PCDH11X: variants seen among roughly 807,000 people sequenced by gnomAD.
PCDH11X encodes protocadherin-11 X-linked.
PCDH11X carries 18 observed loss-of-function variants against 53.3 expected under a neutral mutation model. The ratio of observed to expected loss-of-function variants is 0.34; its 90% CI spans 0.23 to 0.50. The LOEUF (loss-of-function observed/expected upper bound fraction) is 0.50, where lower values mean the gene tolerates loss of function less well. Among genes scored for constraint, PCDH11X ranks in the 20% least tolerant of loss-of-function variants. PCDH11X has a pLI of 0.98. For missense variants in PCDH11X, 570 were observed against 1,032.4 expected (o/e 0.55, Z 6.14); for synonymous variants, 279 against 393.3 (o/e 0.71, Z 3.44).
chrX:92,276,877 T>C (rs1020401367), intron 8 of PCDH11X, among the ~76,000 whole-genome samples: 10 of 111,319 alleles, frequency 9.0e-5, no homozygotes, highest in South Asian at 3.8e-4. Context: ...TTATATTTGA[T>C]GAAAAAGAGC....
intron 8 of PCDH11X, among the ~76,000 whole-genome samples, chrX:92,311,563 G>T (rs1399234035): frequency 9.0e-6 from 1 of 110,627 alleles, no homozygotes; most frequent in Admixed American, 9.7e-5. Context: ...AATTCTCAAA[G>T]AATGAAATAT....
intron 10 of PCDH11X, among the ~76,000 whole-genome samples, chrX:92,586,999 C>G (rs34430204): frequency 0.029 from 1,558 of 53,205 alleles, 44 homozygotes; most frequent in African/African-American, 0.094. Flanking sequence ...TTTTTTTTTG[C>G]CTGAAATTAG....
intron 10 of PCDH11X, among the ~76,000 whole-genome samples, chrX:92,498,577 T>G (rs2148692438): frequency 9.0e-6 from 1 of 110,724 alleles, no homozygotes; most frequent in Non-Finnish European, 1.9e-5. Flanking sequence ...GTCAGGTTAT[T>G]ATATTGGCCA....
intron 10 of PCDH11X, among the ~76,000 whole-genome samples, chrX:92,512,405 G>T (rs1212823705): frequency 9.0e-6 from 1 of 111,468 alleles, no homozygotes; most frequent in Non-Finnish European, 1.9e-5. Context: ...ATAATATAAT[G>T]ATAATAAATT....
intron 6 of PCDH11X, among the ~76,000 whole-genome samples, chrX:92,156,245 C>T (rs372862442): frequency 1.8e-5 from 2 of 109,883 alleles, no homozygotes; most frequent in East Asian, 5.7e-4. Context: ...CCTATCCGCC[C>T]CCCCATTCCT....
chrX:91,878,927 T>C lies in PCDH11X; in HGVS notation c.2687T>C (p.Val896Ala), dbSNP rs140333525. 176 of 1,209,985 alleles carry C rather than the reference T, an allele frequency of 1.5e-4. 1 individual carries two copies. In the African/African-American group the frequency reaches 2.5e-3, roughly 18 times the overall value. ...ATTGAAGAAACTAAGGCAGATGATG[T>C]TGACAGTGATGGAAACAGAGTCACA... ...VTIEETKADD[V>A]DSDGNRVTLD... is the part of the protein sequence containing the mutation. The change falls in exon 6 of 11, where the codon GTT becomes GCT. Residue 896 changes from valine (V) to alanine (A), a missense_variant. Val to Ala is a moderately conservative substitution (Grantham distance 64). Coordinates refer to ENST00000682573, the MANE Select transcript of PCDH11X (RefSeq NM_032968.5).
At chrX:92,132,386 G>A (rs1442017500) in intron 6 of PCDH11X, among the ~76,000 whole-genome samples, 2 of 95,482 alleles carry the variant, frequency 2.1e-5, no homozygotes, top group Non-Finnish European at 4.1e-5. Flanking sequence ...GAGGCAGTTG[G>A]ATCAAGAGGT....
intron 6 of PCDH11X, among the ~76,000 whole-genome samples, chrX:92,084,126 G>A (rs2063908778): frequency 9.0e-6 from 1 of 110,671 alleles, no homozygotes; most frequent in South Asian, 3.8e-4. Context: ...AAACAAAAAA[G>A]GATCTTAGAG....
intron 7 of PCDH11X, among the ~76,000 whole-genome samples, chrX:92,216,520 C>T (rs1305855409): frequency 4.1e-4 from 44 of 107,332 alleles, no homozygotes; most frequent in African/African-American, 1.3e-3. Flanking sequence ...TAAAAAAAAA[C>T]GAACAAAGCC....
At chrX:92,594,820 G>A (rs1331320526) in intron 10 of PCDH11X, among the ~76,000 whole-genome samples, 16 of 95,710 alleles carry the variant, frequency 1.7e-4, no homozygotes, top group African/African-American at 5.4e-4. Flanking sequence ...ATCTTCCTAC[G>A]AATTTGTTTA....
intron 6 of PCDH11X, among the ~76,000 whole-genome samples, chrX:91,899,366 G>A (rs912684495): frequency 1.8e-5 from 2 of 110,868 alleles, no homozygotes; most frequent in African/African-American, 3.3e-5. Flanking sequence ...TATTCTAGCC[G>A]TGCTGGCAGC....
chrX:92,550,555 C>T (rs1364785667), intron 10 of PCDH11X, among the ~76,000 whole-genome samples: 2 of 109,528 alleles, frequency 1.8e-5, no homozygotes, highest in Non-Finnish European at 3.8e-5. Context: ...CTACCCATCT[C>T]CTCAAGTATT....
intron 5 of PCDH11X, among the ~76,000 whole-genome samples, chrX:91,859,913 T>C (rs1269963131): frequency 3.6e-5 from 4 of 111,445 alleles, no homozygotes; most frequent in African/African-American, 1.3e-4. Flanking sequence ...TCCAGCTTTG[T>C]TGTTTTCGCT....
At chrX:91,872,014 A>T (rs1381619701) in intron 5 of PCDH11X, among the ~76,000 whole-genome samples, 2 of 111,080 alleles carry the variant, frequency 1.8e-5, no homozygotes, top group Admixed American at 9.6e-5. Context: ...AAAAATCAAC[A>T]TATCATGTGT....
intron 6 of PCDH11X, among the ~76,000 whole-genome samples, chrX:91,931,409 C>A (rs1435974195): frequency 2.7e-5 from 3 of 110,530 alleles, no homozygotes; most frequent in African/African-American, 9.9e-5. Flanking sequence ...TTTACACTGA[C>A]AGATTTTATT....
At chrX:91,973,912 G>T (rs1213630824) in intron 6 of PCDH11X, among the ~76,000 whole-genome samples, 3 of 110,948 alleles carry the variant, frequency 2.7e-5, no homozygotes, top group African/African-American at 9.8e-5. Flanking sequence ...ACCATGCCCA[G>T]CCTACAACTT....
chrX:92,444,170 C>T (rs1239275287), intron 9 of PCDH11X, among the ~76,000 whole-genome samples: 2 of 107,900 alleles, frequency 1.9e-5, no homozygotes, highest in Non-Finnish European at 3.8e-5. Flanking sequence ...GAGCATGAAA[C>T]GTTTTTCCAT....
intron 6 of PCDH11X, among the ~76,000 whole-genome samples, chrX:91,972,766 C>T (rs1015268190): frequency 8.2e-5 from 9 of 109,680 alleles, no homozygotes; most frequent in Non-Finnish European, 1.5e-4. Context: ...TGTAGATATG[C>T]GGCGTTATTT....
Position 92,201,381 on chromosome X carries a change from A to G in PCDH11X, c.3040A>G (p.Lys1014Glu), listed in dbSNP as rs201498284. The change falls in exon 7 of 11, where the codon AAG becomes GAG. Residue 1014 changes from lysine to glutamate, a missense_variant. Transcript: ENST00000682573. ...PVSVHTRPPM[K>E]EVVRSCTPMK... Reference sequence around the variant, plus strand: ...ATTTTCTTCCCTTCTAAAGCCAATGAAGGAGGTTGTGCGATCTTGCACCCC... The same window carrying G: ...ATTTTCTTCCCTTCTAAAGCCAATGGAGGAGGTTGTGCGATCTTGCACCCC... 1.9e-5 allele frequency: 23 copies of G among 1,198,750 alleles called. No homozygotes were observed. In the East Asian group the frequency reaches 2.1e-4, roughly 11 times the overall value.
Sources: gnomAD v4.1 joint callset for allele counts (sites outside exome capture counted in the v4.1 genomes callset) on GRCh38, gnomAD v4.1.1 for gene constraint, MANE v1.5 for transcripts, NCBI Gene and HGNC (gene_info 2026-07-23, HGNC 2026-07-21) for gene names.